Variants in DAGLA observed in about 807,000 individuals in gnomAD.
DAGLA encodes diacylglycerol lipase-alpha.
In DAGLA, 22 loss-of-function variants were observed where a neutral mutation model predicts 102.6. The ratio of observed to expected loss-of-function variants is 0.21; its 90% CI spans 0.15 to 0.31. DAGLA has a LOEUF of 0.31. Ranked by LOEUF, DAGLA falls within the 10% of genes least tolerant of loss-of-function variation. DAGLA has a pLI of 1.00. For missense variants in DAGLA, 927 were observed against 1,446.6 expected, an observed-to-expected ratio of 0.64 and a Z score of 5.83; for synonymous variants, 578 against 628.9, an observed-to-expected ratio of 0.92 and a Z score of 1.21.
At chr11:61,721,162 G>A (rs1270903635) in intron 3 of DAGLA, among the ~76,000 whole-genome samples, 1 of 152,176 alleles carries the variant, frequency 6.6e-6, no homozygotes, top group Admixed American at 6.5e-5. Flanking sequence ...TTGGGAGGCC[G>A]AGGCAGGTGG....
chr11:61,731,104 GT>G (rs1337205914), intron 8 of DAGLA, among the ~76,000 whole-genome samples: 1 of 152,206 alleles, frequency 6.6e-6, no homozygotes, highest in African/African-American at 2.4e-5. Flanking sequence ...GAGGATTCGT[GT>G]CCTGGTTGCA....
At chr11:61,721,492 A>G (rs1183871857) in intron 3 of DAGLA, among the ~76,000 whole-genome samples, 1 of 152,260 alleles carries the variant, frequency 6.6e-6, no homozygotes, top group Admixed American at 6.5e-5. Flanking sequence ...AGTAGTTACT[A>G]CAGCGACTGT....
chr11:61,740,527 G>A lies in DAGLA; in HGVS notation c.1918G>A (p.Val640Met). 1 of 1,613,752 alleles carries A rather than the reference G, an allele frequency of 6.2e-7. No homozygotes were observed. Among genetic ancestry groups the A allele is most frequent in the Non-Finnish European group, 8.5e-7 (1 of 1,179,954 alleles). The change falls in exon 18 of 20, where the codon GTG becomes ATG. Residue 640 changes from valine (V) to methionine (M), a missense_variant. Val to Met is a conservative substitution (Grantham distance 21). This residue lies in a region of DAGLA where 218 missense variants were observed against 459.6 expected (regional missense o/e 0.47). Transcript: ENST00000257215. Reference protein sequence around the residue: ...IWGDNKAFNEVIISPAMLHEH... With the variant: ...IWGDNKAFNEMIISPAMLHEH... The stretch of plus-strand genomic sequence containing the variant: ...GGGCGACAACAAGGCCTTCAATGAG[G>A]TGATCATCTCGCCAGCCATGCTGCA...
Position 61,735,788 on chromosome 11 carries a change from G to T in DAGLA, c.1262G>T (p.Gly421Val), listed in dbSNP as rs753661704. ...GATGCTGAGCGCCTCCCCGTGGAGGGGCACCACGGCACCTGGCTGGGCCAC... is the reference window on the plus strand; with the variant it reads ...GATGCTGAGCGCCTCCCCGTGGAGGTGCACCACGGCACCTGGCTGGGCCAC... ...TGDAERLPVE[G>V]HHGTWLGHKG... The change falls in exon 12 of 20, where the codon GGG becomes GTG. Residue 421 changes from glycine to valine, a missense_variant. Physicochemically the swap from Gly to Val is moderately radical, Grantham distance 109 (BLOSUM62 -3). Transcript: ENST00000257215. 6.2e-7 allele frequency: 1 copy of T among 1,612,340 alleles called. No homozygotes were observed. Among genetic ancestry groups the T allele is most frequent in the East Asian group, 2.2e-5 (1 of 44,800 alleles).
intron 1 of DAGLA, among the ~76,000 whole-genome samples, chr11:61,701,315 C>T (rs1236808622): frequency 1.3e-5 from 2 of 152,242 alleles, no homozygotes; most frequent in African/African-American, 4.8e-5. Context: ...GGAGGCTGGG[C>T]TCTGAGGGGC....
intron 19 of DAGLA, among the ~76,000 whole-genome samples, chr11:61,743,139 C>T (rs936391741): frequency 4.6e-5 from 7 of 152,050 alleles, no homozygotes; most frequent in Admixed American, 2.0e-4. Flanking sequence ...CCGAGGCAGG[C>T]GGATCACCAG....
At chr11:61,712,618 C>T (rs925870853) in intron 1 of DAGLA, among the ~76,000 whole-genome samples, 1 of 152,208 alleles carries the variant, frequency 6.6e-6, no homozygotes, top group African/African-American at 2.4e-5. Flanking sequence ...TGAAAAGCGA[C>T]AGCTTTCAGG....
rs547289823 is a variant in DAGLA at position 61,726,458 on chromosome 11, A to G, written c.636+376A>G. On this transcript the variant is annotated intron_variant, in intron 6 of 19. Coordinates refer to ENST00000257215, the MANE Select transcript of DAGLA (RefSeq NM_006133.3). ...CTGGCAAAGCCGATAGGCGTTTAGCACGGTCCTAGATGGGGACACATAGCC... is the reference window on the plus strand; with the variant it reads ...CTGGCAAAGCCGATAGGCGTTTAGCGCGGTCCTAGATGGGGACACATAGCC... Among the ~76,000 whole-genome samples, 6 of 152,364 alleles carry G rather than the reference A, an allele frequency of 3.9e-5. No homozygotes were observed. The East Asian group carries it at 1.2e-3, about 29-fold the overall frequency.
intron 9 of DAGLA, among the ~76,000 whole-genome samples, chr11:61,733,770 G>A (rs1162210378): frequency 2.0e-5 from 3 of 152,226 alleles, no homozygotes; most frequent in East Asian, 1.9e-4. Context: ...GGCGGACAGC[G>A]CATAGACAAG....
chr11:61,729,680 A>G (rs946536273), intron 8 of DAGLA, among the ~76,000 whole-genome samples: 4 of 152,232 alleles, frequency 2.6e-5, no homozygotes, highest in African/African-American at 9.6e-5. Flanking sequence ...ACCTTCTACC[A>G]GAGCTGTGCT....
rs1170406547 is a variant in DAGLA, at chr11:61,683,185, C to T, written c.-45+2681C>T. Among the ~76,000 whole-genome samples, 10 of 152,214 alleles carry T rather than the reference C, an allele frequency of 6.6e-5. 1 individual carries two copies. Among genetic ancestry groups the T allele is most frequent in the Admixed American group, 6.5e-5 (1 of 15,278 alleles). The stretch of plus-strand genomic sequence containing the variant: ...CAACCTGTTTCACATCCTTGCTCCC[C>T]GAGGAAAGTTTTTGCCCTGTGCCCA... On this transcript the variant is annotated intron_variant, in intron 1 of 19. Transcript: ENST00000257215.
intron 19 of DAGLA, among the ~76,000 whole-genome samples, chr11:61,741,822 G>A (rs1302842003): frequency 6.6e-6 from 1 of 151,988 alleles, no homozygotes; most frequent in East Asian, 1.9e-4. Flanking sequence ...ATGTTGGCCA[G>A]GCTGGTCTTG....
At chr11:61,739,409 C>A in intron 16 of DAGLA, 56 bp from the exon 17 acceptor site, 1 of 1,560,410 alleles carries the variant, frequency 6.4e-7, no homozygotes, top group South Asian at 1.2e-5. Context: ...CTGCCCCTGC[C>A]CCCCAGCCAG....
chr11:61,723,120 G>T (rs539017992), intron 4 of DAGLA, among the ~76,000 whole-genome samples, 160 bp downstream of exon 4: 2 of 152,296 alleles, frequency 1.3e-5, no homozygotes, highest in East Asian at 3.9e-4. Flanking sequence ...CACCCTTGAG[G>T]CCTGCCAGCT....
chr11:61,726,531 G>T (rs1015856972), intron 6 of DAGLA, among the ~76,000 whole-genome samples: 4 of 152,234 alleles, frequency 2.6e-5, no homozygotes, highest in African/African-American at 9.6e-5. Flanking sequence ...CGGACTTAAT[G>T]CCAGGGCACT....
At chr11:61,719,204 G>A (rs1329364252) in intron 1 of DAGLA, among the ~76,000 whole-genome samples, 1 of 152,278 alleles carries the variant, frequency 6.6e-6, no homozygotes, top group Middle Eastern at 3.4e-3. Context: ...GAGTTCCTGG[G>A]CACTCTTTCC....
intron 1 of DAGLA, among the ~76,000 whole-genome samples, chr11:61,700,287 G>A (rs969611586): frequency 1.4e-5 from 2 of 146,304 alleles, no homozygotes; most frequent in African/African-American, 5.6e-5. Flanking sequence ...ACACGTCTGC[G>A]CCTTCCTTTT....
chr11:61,730,118 C>G (rs1047720557), intron 8 of DAGLA, among the ~76,000 whole-genome samples: 4 of 151,962 alleles, frequency 2.6e-5, no homozygotes, highest in African/African-American at 9.7e-5. Flanking sequence ...TCCTCCCTGC[C>G]TGTCCCTACT....
Position 61,739,471 on chromosome 11 carries a change from A to G in DAGLA, c.1663A>G (p.Ile555Val). Residue 555 changes from isoleucine to valine, a missense_variant, in exon 17 of 20, where the codon ATC (isoleucine) becomes GTC (valine). By Grantham distance (29) the Ile-to-Val change is conservative (BLOSUM62 3). Around this residue, in one of 4 missense-constraint regions of DAGLA, gnomAD observed 218 missense variants for 459.6 expected, o/e 0.47. Coordinates refer to ENST00000257215, the MANE Select transcript of DAGLA (RefSeq NM_006133.3). ...CCCACTCCACCCCGCGCAGTGGCGG[A>G]TCATCGTGGGGGCCACCAAATGCAT... ...LQRSTKPKWR[I>V]IVGATKCIPK... 1 of 1,611,086 alleles carries G rather than the reference A, an allele frequency of 6.2e-7. No individual in the cohort carries two copies. The highest frequency in any genetic ancestry group is 8.5e-7 in the Non-Finnish European group (1 of 1,178,766).
Sources: gnomAD v4.1 joint callset for allele counts (sites outside exome capture counted in the v4.1 genomes callset) on GRCh38, gnomAD v4.1.1 for gene constraint, gnomAD v4.1.1 regional missense constraint, MANE v1.5 for transcripts, NCBI Gene and HGNC (gene_info 2026-07-23, HGNC 2026-07-21) for gene names.